Variants in GOLPH3 observed in about 807,000 individuals in gnomAD.
GOLPH3 encodes golgi phosphoprotein 3.
In GOLPH3, 14 loss-of-function variants were observed where a neutral mutation model predicts 28.5. That is an observed-to-expected ratio of 0.49 (90% CI 0.32 to 0.77). The LOEUF is 0.77. Among genes scored for constraint, GOLPH3 ranks in the 30% least tolerant of loss-of-function variants. GOLPH3 has a pLI of 0.03. For synonymous variants in GOLPH3, 158 were observed against 159.2 expected, an observed-to-expected ratio of 0.99 and a Z score of 0.06; for missense variants, 350 against 393.7, an observed-to-expected ratio of 0.89 and a Z score of 0.94.
intron 3 of GOLPH3, among the ~76,000 whole-genome samples, chr5:32,129,348 G>A (rs1461659125): frequency 6.6e-6 from 1 of 152,158 alleles, no homozygotes; most frequent in African/African-American, 2.4e-5. Flanking sequence ...TTCTTAGAAC[G>A]AAGCCTAACA....
chr5:32,155,447 CA>C (rs1227997180), intron 1 of GOLPH3, among the ~76,000 whole-genome samples: 1 of 152,128 alleles, frequency 6.6e-6, no homozygotes, highest in African/African-American at 2.4e-5. Flanking sequence ...TGGTCTCCTC[CA>C]AAGTGCTAGG....
chr5:32,170,349 C>G (rs1239484317), intron 1 of GOLPH3, among the ~76,000 whole-genome samples: 1 of 152,142 alleles, frequency 6.6e-6, no homozygotes, highest in Non-Finnish European at 1.5e-5. Flanking sequence ...GCTCTAGGTA[C>G]TGGTTTAACA....
intron 1 of GOLPH3, among the ~76,000 whole-genome samples, chr5:32,169,415 T>C (rs1746784020): frequency 6.6e-6 from 1 of 152,192 alleles, no homozygotes; most frequent in South Asian, 2.1e-4. Context: ...CCATTATACA[T>C]GAAAACACTG....
At chr5:32,128,172 A>G (rs1745725284) in intron 3 of GOLPH3, among the ~76,000 whole-genome samples, 1 of 152,236 alleles carries the variant, frequency 6.6e-6, no homozygotes, top group Non-Finnish European at 1.5e-5. Context: ...AAAGCTAGGC[A>G]AAGAACACCT....
At chr5:32,133,111 AACAG>A (rs1352843523) in intron 3 of GOLPH3, among the ~76,000 whole-genome samples, 1 of 152,236 alleles carries the variant, frequency 6.6e-6, no homozygotes, top group Non-Finnish European at 1.5e-5. Context: ...TTCTAATCCA[AACAG>A]ACAGTGCTTT....
intron 1 of GOLPH3, among the ~76,000 whole-genome samples, chr5:32,153,036 G>A (rs541776544): frequency 6.6e-6 from 1 of 152,228 alleles, no homozygotes; most frequent in South Asian, 2.1e-4. Context: ...TGGTTATTGT[G>A]ATATTATCTG....
chr5:32,172,464 A>C (rs1384234685), intron 1 of GOLPH3, among the ~76,000 whole-genome samples: 3 of 151,666 alleles, frequency 2.0e-5, no homozygotes, highest in Admixed American at 2.0e-4. Context: ...TGGGAGGCCG[A>C]GGCAGGCGGA....
At chr5:32,135,901 C>T (rs1008464493) in intron 2 of GOLPH3, among the ~76,000 whole-genome samples, 1 of 152,144 alleles carries the variant, frequency 6.6e-6, no homozygotes, top group Admixed American at 6.5e-5. Flanking sequence ...TGAAAATTGG[C>T]TAGACTCAGT....
intron 2 of GOLPH3, among the ~76,000 whole-genome samples, chr5:32,139,872 A>G (rs1406219744): frequency 6.6e-6 from 1 of 152,208 alleles, no homozygotes; most frequent in Non-Finnish European, 1.5e-5. Context: ...AGAAGGTATT[A>G]CATCCATAAA....
At chr5:32,131,197 C>A (rs577770371) in intron 3 of GOLPH3, among the ~76,000 whole-genome samples, 1 of 152,186 alleles carries the variant, frequency 6.6e-6, no homozygotes, top group Non-Finnish European at 1.5e-5. Flanking sequence ...AGAAATCTCA[C>A]GAGCAGAAGG....
rs1746924898 is a variant in GOLPH3, at chr5:32,174,265, T to G, written c.-231A>C. 5.6e-6 allele frequency: 2 copies of G among 355,638 alleles called. No homozygotes were observed. Among genetic ancestry groups the G allele is most frequent in the East Asian group, 8.3e-5 (2 of 23,992 alleles). The allele number at this position is 355,638 out of a possible 1,614,324, so 22.0% of individuals were successfully genotyped here. ...AGCGCCTTCCTGCCTGTGGCCGCAG[T>G]CCCCGAAACACCCCGAGCTCCAAGG... On this transcript the variant is annotated 5_prime_UTR_variant, in exon 1 of 4. Coordinates refer to ENST00000265070, the MANE Select transcript of GOLPH3 (RefSeq NM_022130.4).
Position 32,173,834 on chromosome 5 carries a change from G to T in GOLPH3, c.201C>A (p.Leu67=). 1 of 1,500,520 alleles carries T rather than the reference G, an allele frequency of 6.7e-7. No individual in the cohort carries two copies. The allele number at this position is 1,500,520 out of a possible 1,614,324, so 93.0% of individuals were successfully genotyped here. Residue 67 remains leucine, a synonymous_variant, in exon 1 of 4, where the codon CTC becomes CTA. Coordinates refer to ENST00000265070, the MANE Select transcript of GOLPH3 (RefSeq NM_022130.4). The part of the protein sequence containing the change: ...ETRLTLMEEV[L]LLGLKDREGY... ...CCTCGCGGTCCTTGAGGCCCAGCAG[G>T]AGCACTTCCTCCATCAGGGTCAGCC... is the stretch of plus-strand genomic sequence containing the variant.
intron 1 of GOLPH3, among the ~76,000 whole-genome samples, chr5:32,170,436 T>G (rs184618704): frequency 7.2e-4 from 110 of 152,322 alleles, no homozygotes; most frequent in African/African-American, 2.2e-3. Flanking sequence ...ATGTAAAGTT[T>G]AGCTTTTAAA....
chr5:32,148,806 A>T (rs1459335996), intron 1 of GOLPH3, among the ~76,000 whole-genome samples: 3 of 152,086 alleles, frequency 2.0e-5, no homozygotes, highest in Non-Finnish European at 4.4e-5. Context: ...CAAAAAAAAT[A>T]AAAAATACAA....
intron 1 of GOLPH3, among the ~76,000 whole-genome samples, chr5:32,153,173 A>G (rs1033705809): frequency 6.6e-6 from 1 of 152,244 alleles, no homozygotes; most frequent in Non-Finnish European, 1.5e-5. Context: ...ATAGTGATAG[A>G]GAACAATCTT....
chr5:32,142,159 G>A (rs1406834467), intron 2 of GOLPH3, among the ~76,000 whole-genome samples: 1 of 149,672 alleles, frequency 6.7e-6, no homozygotes. Flanking sequence ...AGGAAGTGAG[G>A]AGCGCCTCTT....
At chr5:32,173,654 C>T (rs774038085) in intron 1 of GOLPH3, 156 bp downstream of exon 1, 1 of 446,638 alleles carries the variant, frequency 2.2e-6, no homozygotes. Context: ...ACTCCGACAC[C>T]GCTCGGCGTC....
chr5:32,131,036 G>A (rs568894461), intron 3 of GOLPH3, among the ~76,000 whole-genome samples: 6 of 152,236 alleles, frequency 3.9e-5, no homozygotes, highest in Non-Finnish European at 5.9e-5. Context: ...CCTTCCTACT[G>A]GCAATCATTT....
At chr5:32,129,480 T>C (rs1745776479) in intron 3 of GOLPH3, among the ~76,000 whole-genome samples, 1 of 152,136 alleles carries the variant, frequency 6.6e-6, no homozygotes, top group South Asian at 2.1e-4. Context: ...ATACAAACAT[T>C]AGGATATACT....
Sources: allele counts gnomAD v4.1 joint callset (sites outside exome capture counted in the v4.1 genomes callset), GRCh38; gene constraint gnomAD v4.1.1; transcripts MANE v1.5; gene names NCBI Gene and HGNC (gene_info 2026-07-23, HGNC 2026-07-21).